ENPEP: variants seen among roughly 807,000 people sequenced by gnomAD.
ENPEP encodes the protein glutamyl aminopeptidase, also known as AP-A.
Under a neutral mutation model 114.5 loss-of-function variants are expected in ENPEP, and 103 were observed. That is an observed-to-expected ratio of 0.90 (90% CI 0.77 to 1.06). ENPEP has a LOEUF of 1.06. Among genes scored for constraint, ENPEP ranks in the 50% least tolerant of loss-of-function variants. The pLI, the probability that ENPEP is intolerant of heterozygous loss-of-function variation, is 0.00. For synonymous variants in ENPEP, 420 were observed against 422.0 expected, an observed-to-expected ratio of 1.00 and a Z score of 0.06; for missense variants, 1,196 against 1,161.3, an observed-to-expected ratio of 1.03 and a Z score of -0.43.
chr4:110,486,401 C>A (rs570477383), intron 1 of ENPEP, among the ~76,000 whole-genome samples: 14 of 152,138 alleles, frequency 9.2e-5, no homozygotes, highest in Non-Finnish European at 1.5e-5. Flanking sequence ...GGCTCCAGTC[C>A]GTCTGGTTCA....
At chr4:110,499,227 C>G (rs757259609) in intron 3 of ENPEP, among the ~76,000 whole-genome samples, 2 of 152,140 alleles carry the variant, frequency 1.3e-5, no homozygotes, top group African/African-American at 4.8e-5. Context: ...GATACTAACA[C>G]TTTTGATGGG....
intron 1 of ENPEP, among the ~76,000 whole-genome samples, chr4:110,484,897 C>A (rs1346198167): frequency 1.3e-5 from 2 of 149,212 alleles, no homozygotes; most frequent in Admixed American, 1.4e-4. Flanking sequence ...CTCCCACACA[C>A]GAAGATGTGT....
At chr4:110,530,443 T>C (rs1004208690) in intron 10 of ENPEP, among the ~76,000 whole-genome samples, 1 of 152,182 alleles carries the variant, frequency 6.6e-6, no homozygotes, top group African/African-American at 2.4e-5. Context: ...CAATGGTACG[T>C]AGATTCACCT....
At chr4:110,477,110 A>C in intron 1 of ENPEP, 52 bp downstream of exon 1, 1 of 1,554,848 alleles carries the variant, frequency 6.4e-7, no homozygotes, top group Non-Finnish European at 8.7e-7. Flanking sequence ...TCTGCTTTCC[A>C]TTTCTTTTCC....
chr4:110,536,107 CAAAAAAA>C (rs34765143), intron 11 of ENPEP, among the ~76,000 whole-genome samples: 5 of 63,104 alleles, frequency 7.9e-5, no homozygotes, highest in Non-Finnish European at 1.2e-4. Context: ...AACTCTGTCT[CAAAAAAA>C]AAAAAAAAAA....
chr4:110,519,428 T>C (rs150498159), intron 8 of ENPEP: 36 of 168,408 alleles, frequency 2.1e-4, no homozygotes, highest in African/African-American at 8.3e-4. Flanking sequence ...TCCAAGTGGC[T>C]CCCAGTTACG....
chr4:110,495,037 T>G (rs778163299), intron 3 of ENPEP, among the ~76,000 whole-genome samples: 29 of 152,154 alleles, frequency 1.9e-4, no homozygotes, highest in Non-Finnish European at 4.0e-4. Flanking sequence ...AACAAACTGT[T>G]GAGTTATTGT....
chr4:110,523,811 T>A (rs1228540114), intron 10 of ENPEP, among the ~76,000 whole-genome samples: 1 of 152,202 alleles, frequency 6.6e-6, no homozygotes, highest in African/African-American at 2.4e-5. Context: ...GGAACGGCTG[T>A]CTTCCCAACT....
At position 110,487,618 on chromosome 4, in the gene ENPEP, C is replaced by T. The variant is rs556286288; in HGVS notation, c.645-923C>T. Among the ~76,000 whole-genome samples the T allele has an allele frequency of 2.2e-4, 34 of 152,230 alleles. No homozygotes were observed. In the South Asian group the frequency reaches 7.1e-3, roughly 32 times the overall value. ...TAGCCTGATATTCTTTATGATATGT[C>T]TTTCTTAGTTTCCAGAATCCTGAAG... On this transcript the variant is annotated intron_variant, in intron 1 of 19. Transcript: ENST00000265162.
At chr4:110,559,892 G>T (rs1421738261) in intron 19 of ENPEP, among the ~76,000 whole-genome samples, 167 bp downstream of exon 19, 1 of 152,118 alleles carries the variant, frequency 6.6e-6, no homozygotes, top group Non-Finnish European at 1.5e-5. Context: ...CGCCATCTAG[G>T]TTTTAAGCCC....
Position 110,491,105 on chromosome 4 carries a change from G to T in ENPEP, c.859G>T (p.Val287Leu). ...GTCTGTCCCCATGAGCACGTACCTGGTGTGCTTTGCTGTACATCAATTTGA... is the reference window on the plus strand; with the variant it reads ...GTCTGTCCCCATGAGCACGTACCTGTTGTGCTTTGCTGTACATCAATTTGA... ...EKSVPMSTYL[V>L]CFAVHQFDSV... Residue 287 changes from valine (V) to leucine (L), a missense_variant, in exon 3 of 20, where the codon GTG becomes TTG. By Grantham distance (32) the Val-to-Leu change is conservative. Transcript: ENST00000265162. 1 of 1,612,388 alleles carries T rather than the reference G, an allele frequency of 6.2e-7. No individual in the cohort carries two copies.
rs1472713081 is a variant in ENPEP at position 110,520,003 on chromosome 4, CACAGATGT to C, written c.1510-2_1515del. The C allele has an allele frequency of 6.2e-7, 1 of 1,611,716 alleles. No homozygotes were observed. The highest frequency in any genetic ancestry group is 8.5e-7 in the Non-Finnish European group (1 of 1,178,918). On this transcript the variant is annotated splice_acceptor_variant and splice_polypyrimidine_tract_variant and coding_sequence_variant and intron_variant, in exon 9 of 20. Coordinates refer to ENST00000265162, the MANE Select transcript of ENPEP (RefSeq NM_001977.4). LOFTEE classifies it high-confidence loss of function. ...TCTAACATGCTGATTATTTTTTACA[CACAGATGT>C]ACTTGGAAAAATACCAATTCAAGAA...
In ENPEP at chr4:110,506,656, C is replaced by A; in HGVS notation, c.938C>A (p.Pro313Gln). Reference protein sequence around the residue: ...SGKPLTIYVQPEQKHTAEYAA... With the variant: ...SGKPLTIYVQQEQKHTAEYAA... ...TAATAGCTTACAATTTATGTCCAGC[C>A]AGAGCAAAAGCACACAGCCGAATAT... Residue 313 changes from proline (P) to glutamine (Q), a missense_variant, in exon 4 of 20, where the codon CCA (proline) becomes CAA (glutamine). Coordinates refer to ENST00000265162, the MANE Select transcript of ENPEP (RefSeq NM_001977.4). 6.2e-7 allele frequency: 1 copy of A among 1,606,552 alleles called. No homozygotes were observed. The highest frequency in any genetic ancestry group is 1.1e-5 in the South Asian group (1 of 88,816).
intron 11 of ENPEP, among the ~76,000 whole-genome samples, chr4:110,532,272 C>A (rs1726435887): frequency 6.6e-6 from 1 of 152,160 alleles, no homozygotes; most frequent in African/African-American, 2.4e-5. Context: ...CTGCAGCCTC[C>A]CATATGCCCA....
Position 110,520,341 on chromosome 4 carries a change from C to T in ENPEP, c.1702C>T (p.Pro568Ser). Reference protein sequence around the residue: ...KRFLLDPRANPSQPPSDLGYT... With the variant: ...KRFLLDPRANSSQPPSDLGYT... ...CTTTTTGTTGGACCCAAGAGCTAAC[C>T]CTTCTCAGCCCCCTTCAGATCTTGG... Residue 568 changes from proline (P) to serine (S), a missense_variant, in exon 10 of 20, where the codon CCT becomes TCT. Transcript: ENST00000265162. The T allele has an allele frequency of 6.2e-7, 1 of 1,613,954 alleles. No homozygotes were observed. The highest frequency in any genetic ancestry group is 1.7e-5 in the Admixed American group (1 of 60,004).
At chr4:110,482,878 A>G (rs895555296) in intron 1 of ENPEP, among the ~76,000 whole-genome samples, 2 of 152,058 alleles carry the variant, frequency 1.3e-5, no homozygotes, top group Non-Finnish European at 2.9e-5. Context: ...GGGTAGTGGC[A>G]CATGCCTGTA....
rs1284853057 is a variant in ENPEP at position 110,531,222 on chromosome 4, A to G, written c.1752A>G (p.Lys584=). Reference sequence around the variant, plus strand: ...GTTATACATGGAATATCCCAGTTAAATGGACTGAAGATAATATAACAAGCA... The same window carrying G: ...GTTATACATGGAATATCCCAGTTAAGTGGACTGAAGATAATATAACAAGCA... ...DLGYTWNIPV[K]WTEDNITSSV... Residue 584 remains lysine, a synonymous_variant, in exon 11 of 20, where the codon AAA becomes AAG. Coordinates refer to ENST00000265162, the MANE Select transcript of ENPEP (RefSeq NM_001977.4). 7 of 1,469,456 alleles carry G rather than the reference A, an allele frequency of 4.8e-6. No individual in the cohort carries two copies. Among genetic ancestry groups the G allele is most frequent in the Non-Finnish European group, 5.5e-6 (6 of 1,094,380 alleles). 91.0% of individuals were successfully genotyped at this position (1,469,456 alleles called of 1,614,324 possible). A position where few individuals can be genotyped will look rare whatever the true frequency, so the allele number is the denominator to read the frequency against.
intron 1 of ENPEP, among the ~76,000 whole-genome samples, chr4:110,477,761 C>T (rs1050753458): frequency 9.2e-5 from 14 of 152,024 alleles, no homozygotes; most frequent in African/African-American, 3.4e-4. Flanking sequence ...TAATGCTAAG[C>T]CTTTTACAAC....
intron 3 of ENPEP, among the ~76,000 whole-genome samples, chr4:110,494,148 C>A (rs761769807): frequency 6.6e-5 from 10 of 152,144 alleles, no homozygotes; most frequent in African/African-American, 2.4e-4. Context: ...AGTTTTAGAA[C>A]GTGATTTCCA....
Sources: allele counts gnomAD v4.1 joint callset (sites outside exome capture counted in the v4.1 genomes callset), GRCh38; gene constraint gnomAD v4.1.1; transcripts MANE v1.5; gene names NCBI Gene and HGNC (gene_info 2026-07-23, HGNC 2026-07-21).